NBPF10: variants seen among roughly 807,000 people sequenced by gnomAD.
NBPF10 encodes NBPF family member NBPF10.
A neutral mutation model predicts 77.9 loss-of-function variants in NBPF10; 63 were observed. The ratio of observed to expected loss-of-function variants is 0.81; its 90% CI spans 0.66 to 1.00. The LOEUF (loss-of-function observed/expected upper bound fraction) is 1.00, where lower values mean the gene tolerates loss of function less well. Among genes scored for constraint, NBPF10 ranks in the 50% least tolerant of loss-of-function variants. The pLI is 0.00. For synonymous variants in NBPF10, 146 were observed against 264.5 expected (o/e 0.55, Z 4.35); for missense variants, 522 against 679.8 (o/e 0.77, Z 2.58).
Position 146,069,660 on chromosome 1 carries a change from C to T in NBPF10, c.10693G>A (p.Asp3565Asn), listed in dbSNP as rs782782257. The T allele has an allele frequency of 1.5e-5, 21 of 1,401,530 alleles. No individual in the cohort carries two copies. The South Asian group carries it at 2.0e-4, about 14-fold the overall frequency. 86.8% of individuals were successfully genotyped at this position (1,401,530 alleles called of 1,614,324 possible). ...CCTGAAGGAGTTGAATAACATCTAT[C>T]CAGTGAGTCCTGCAAGACTTCAGGC... The change falls in exon 86 of 90, where the codon GAT becomes AAT. Residue 3565 changes from aspartate to asparagine, a missense_variant. By Grantham distance (23) the Asp-to-Asn change is conservative (BLOSUM62 1). Around this residue, in one of 9 missense-constraint regions of NBPF10, gnomAD observed 183 missense variants for 96.6 expected, o/e 1.89. Transcript: ENST00000583866.
rs781819096 is a variant in NBPF10, at chr1:146,126,338, T to G, written c.1924A>C (p.Thr642Pro). The G allele has an allele frequency of 6.9e-6, 9 of 1,306,982 alleles. No homozygotes were observed. The East Asian group carries it at 1.6e-4, about 23-fold the overall frequency. The allele number at this position is 1,306,982 out of a possible 1,614,324, so 81.0% of individuals were successfully genotyped here. A position where few individuals can be genotyped will look rare whatever the true frequency, so the allele number is the denominator to read the frequency against. The change falls in exon 14 of 90, where the codon ACT becomes CCT. Residue 642 changes from threonine to proline, a missense_variant. Around this residue, in one of 9 missense-constraint regions of NBPF10, gnomAD observed 178 missense variants for 77.7 expected, o/e 2.29. Transcript: ENST00000583866. ...GTCAGTTCAAGACAACCTGAAGGAG[T>G]TGAATAACATCTATCCTGTGAGTCC...
At chr1:146,126,250 G>T (rs373313478) in exon 14 of NBPF10, 1 of 1,608,368 alleles carries the variant, frequency 6.2e-7, no homozygotes, top group East Asian at 2.2e-5. Context: ...CATGTCAATA[G>T]CCAAGCCAAC....
rs587678066 is a variant in NBPF10 at position 146,067,530 on chromosome 1, A to C, written c.11036-242T>G. Among the ~76,000 whole-genome samples, 5 of 149,606 alleles carry C rather than the reference A, an allele frequency of 3.3e-5. No individual in the cohort carries two copies. The East Asian group carries it at 9.9e-4, about 30-fold the overall frequency. The stretch of plus-strand genomic sequence containing the variant: ...TCGTTATCCCAATATCATTTGTCCC[A>C]AGTTTGTGCAAACAGTTACGCCATA... On this transcript the variant is annotated intron_variant, in intron 88 of 89. Coordinates refer to ENST00000583866, the Ensembl canonical transcript of NBPF10.
At chr1:146,069,958 G>T (rs1655667222) in intron 85 of NBPF10, among the ~76,000 whole-genome samples, 1 of 94,074 alleles carries the variant, frequency 1.1e-5, no homozygotes, top group Middle Eastern at 4.7e-3. Context: ...CTAGTGAATT[G>T]GCCAGGTGAC....
intron 5 of NBPF10, among the ~76,000 whole-genome samples, chr1:146,139,544 CAG>C (rs1660084955): frequency 4.2e-5 from 6 of 142,660 alleles, no homozygotes; most frequent in Non-Finnish European, 9.3e-5. Context: ...TATAGGCGTG[CAG>C]CACCATGCCT....
intron 14 of NBPF10, among the ~76,000 whole-genome samples, chr1:146,125,927 C>G (rs587693189): frequency 2.0e-5 from 3 of 151,666 alleles, no homozygotes; most frequent in Admixed American, 6.6e-5. Flanking sequence ...ATGAAATCTA[C>G]AAGATCTACA....
At chr1:146,122,220 C>A (rs1658260570) in intron 19 of NBPF10, 63 bp downstream of exon 19, 2 of 60,694 alleles carry the variant, frequency 3.3e-5, no homozygotes, top group Non-Finnish European at 5.3e-5. Context: ...ACTCTGGTTT[C>A]CCTGAATCTG....
At chr1:146,142,342 G>C (rs1157455399) in intron 2 of NBPF10, among the ~76,000 whole-genome samples, 1 of 131,496 alleles carries the variant, frequency 7.6e-6, no homozygotes, top group African/African-American at 2.6e-5. Flanking sequence ...GGTGGCGATA[G>C]CACACCATTT....
intron 11 of NBPF10, among the ~76,000 whole-genome samples, chr1:146,130,487 C>A (rs373838567): frequency 5.2e-5 from 1 of 19,190 alleles, no homozygotes. Context: ...CACTGCCTTC[C>A]ACAATCGTTG....
At chr1:146,080,980 C>G (rs1449809234) in intron 71 of NBPF10, among the ~76,000 whole-genome samples, 1 of 79,360 alleles carries the variant, frequency 1.3e-5, no homozygotes, top group Non-Finnish European at 3.5e-5. Flanking sequence ...GATAGACACA[C>G]ACACACACAC....
intron 13 of NBPF10, 81 bp from the exon 14 acceptor site, chr1:146,126,489 T>C: frequency 2.7e-6 from 2 of 727,666 alleles, no homozygotes; most frequent in Non-Finnish European, 5.1e-6. Context: ...ATGGCTAACA[T>C]AAGGAAGAGT....
At chr1:146,142,196 G>A (rs1211052151) in intron 2 of NBPF10, among the ~76,000 whole-genome samples, 1 of 114,188 alleles carries the variant, frequency 8.8e-6, no homozygotes, top group Non-Finnish European at 2.0e-5. Flanking sequence ...GTACAGAAAT[G>A]AGGCCAGGTG....
chr1:146,126,112 G>C, intron 14 of NBPF10, 124 bp downstream of exon 14: 1 of 712,516 alleles, frequency 1.4e-6, no homozygotes, highest in Non-Finnish European at 2.6e-6. Context: ...CAACCTACAT[G>C]TGCCTATAGG....
intron 89 of NBPF10, 51 bp from the exon 90 acceptor site, chr1:146,066,612 C>A (rs1553777506): frequency 2.8e-5 from 15 of 541,970 alleles, no homozygotes; most frequent in South Asian, 1.9e-4. Context: ...TCAGACACCA[C>A]AGAGCCCCAG....
chr1:146,123,469 CAGAT>C (rs1291980018), intron 17 of NBPF10, among the ~76,000 whole-genome samples, 191 bp from the exon 18 acceptor site: 13 of 41,164 alleles, frequency 3.2e-4, no homozygotes, highest in South Asian at 2.5e-3. Flanking sequence ...AAGAGAAAGA[CAGAT>C]AGACACACAC....
rs781807043 is a variant in NBPF10, at chr1:146,069,535, G to T, written c.10810+8C>A. On this transcript the variant is annotated splice_region_variant and intron_variant, in intron 86 of 89. Coordinates refer to ENST00000583866, the Ensembl canonical transcript of NBPF10. ...GGATCCTTATCACCTTCATAGAAAG[G>T]TACTCACCATCCATGTCAACAGCCA... 8.9e-6 allele frequency: 8 copies of T among 903,426 alleles called. 1 individual carries two copies. The highest frequency in any genetic ancestry group is 1.3e-5 in the South Asian group (1 of 77,202). 56.0% of individuals were successfully genotyped at this position (903,426 alleles called of 1,614,324 possible).
At chr1:146,125,710 T>G (rs1342356971) in intron 14 of NBPF10, among the ~76,000 whole-genome samples, 194 bp from the exon 15 acceptor site, 1 of 132,352 alleles carries the variant, frequency 7.6e-6, no homozygotes, top group Non-Finnish European at 1.6e-5. Flanking sequence ...AAACTGTGGG[T>G]AAAATTCCCT....
rs75350143 is a variant in NBPF10 at position 146,142,477 on chromosome 1, C to G, written c.278+173G>C. Among the ~76,000 whole-genome samples, 325 of 131,736 alleles carry G rather than the reference C, an allele frequency of 2.5e-3. 20 individuals carry two copies. The highest frequency in any genetic ancestry group is 0.019 in the Middle Eastern group (5 of 260). 86.4% of individuals were successfully genotyped at this position (131,736 alleles called of 152,430 possible). ...AAGGCTCTAAGAAACAACTGCAACA[C>G]AGAACTTATTATTATCCTTGCTCTC... On this transcript the variant is annotated intron_variant, in intron 2 of 89. Coordinates refer to ENST00000583866, the Ensembl canonical transcript of NBPF10.
Position 146,119,736 on chromosome 1 carries a change from C to A in NBPF10, c.2983+220G>T, listed in dbSNP as rs1211048099. Among the ~76,000 whole-genome samples, 2 of 19,096 alleles carry A rather than the reference C, an allele frequency of 1.0e-4. 1 individual carries two copies. The highest frequency in any genetic ancestry group is 1.9e-4 in the Non-Finnish European group (2 of 10,484). 12.5% of individuals were successfully genotyped at this position (19,096 alleles called of 152,430 possible). Reference sequence around the variant, plus strand: ...TGCTGAGAGCGGGCTCAGGTTGCCACAGGCATGGCTGGAGACTAGGAATAG... The same window carrying A: ...TGCTGAGAGCGGGCTCAGGTTGCCAAAGGCATGGCTGGAGACTAGGAATAG... On this transcript the variant is annotated intron_variant, in intron 22 of 89. Transcript: ENST00000583866.
Sources: gnomAD v4.1 joint callset for allele counts (sites outside exome capture counted in the v4.1 genomes callset) on GRCh38, gnomAD v4.1.1 for gene constraint, gnomAD v4.1.1 regional missense constraint, MANE v1.5 for transcripts, NCBI Gene and HGNC (gene_info 2026-07-23, HGNC 2026-07-21) for gene names.